Variants in MBOAT2 observed in about 807,000 individuals in gnomAD.
MBOAT2 encodes membrane bound glycerophospholipid O-acyltransferase 2.
In MBOAT2, 28 loss-of-function variants were observed where a neutral mutation model predicts 63.4. That is an observed-to-expected ratio of 0.44 (90% confidence interval 0.33 to 0.61). The LOEUF is 0.61. Ranked by LOEUF, MBOAT2 falls within the 20% of genes least tolerant of loss-of-function variation. MBOAT2 has a pLI of 0.03. For missense variants in MBOAT2, 470 were observed against 605.8 expected (o/e 0.78, Z 2.35); for synonymous variants, 211 against 215.6 (o/e 0.98, Z 0.19).
chr2:8,913,467 ACTC>A (rs1007281031), intron 3 of MBOAT2, among the ~76,000 whole-genome samples: 1 of 152,150 alleles, frequency 6.6e-6, no homozygotes, highest in African/African-American at 2.4e-5. Flanking sequence ...TCTACAACGA[ACTC>A]AATCAGTAAG....
chr2:8,985,371 C>A (rs964851065), intron 1 of MBOAT2, among the ~76,000 whole-genome samples: 1 of 152,136 alleles, frequency 6.6e-6, no homozygotes, highest in Non-Finnish European at 1.5e-5. Flanking sequence ...ACATGGAATT[C>A]TTTAAAGATA....
intron 1 of MBOAT2, among the ~76,000 whole-genome samples, chr2:8,986,207 CAAAAAAAA>C (rs749608343): frequency 2.7e-5 from 2 of 74,392 alleles, no homozygotes; most frequent in South Asian, 4.1e-4. Flanking sequence ...ACAAGGTCAC[CAAAAAAAA>C]AAAAAAAAAA....
chr2:8,894,023 A>G (rs1216667766), intron 4 of MBOAT2, among the ~76,000 whole-genome samples: 2 of 152,034 alleles, frequency 1.3e-5, no homozygotes, highest in African/African-American at 4.8e-5. Flanking sequence ...ACATAGGTAT[A>G]CATGTGCCAT....
At chr2:8,865,962 G>C (rs1171691568) in intron 9 of MBOAT2, among the ~76,000 whole-genome samples, 2 of 152,222 alleles carry the variant, frequency 1.3e-5, no homozygotes, top group Middle Eastern at 3.4e-3. Flanking sequence ...GCTTGAACCC[G>C]GGAGGCAGAG....
At chr2:8,973,592 G>C (rs1670609886) in intron 1 of MBOAT2, among the ~76,000 whole-genome samples, 1 of 141,702 alleles carries the variant, frequency 7.1e-6, no homozygotes, top group African/African-American at 2.6e-5. Flanking sequence ...ATATCACCAA[G>C]AGCTAATTTC....
chr2:8,913,142 A>T (rs1468369101), intron 3 of MBOAT2, among the ~76,000 whole-genome samples: 1 of 152,182 alleles, frequency 6.6e-6, no homozygotes, highest in Non-Finnish European at 1.5e-5. Flanking sequence ...CATGTAGGAG[A>T]ATGAAACTGC....
intron 1 of MBOAT2, among the ~76,000 whole-genome samples, chr2:8,973,552 T>TAAAAAAAAAA (rs540916253): frequency 7.7e-6 from 1 of 130,250 alleles, no homozygotes; most frequent in African/African-American, 2.7e-5. Flanking sequence ...TAACTCAAGC[T>TAAAAAAAAAA]AAAAAAAAAA....
intron 9 of MBOAT2, among the ~76,000 whole-genome samples, chr2:8,866,009 C>T (rs1288255077): frequency 6.6e-6 from 1 of 152,040 alleles, no homozygotes; most frequent in Non-Finnish European, 1.5e-5. Context: ...CGCACTCCAG[C>T]CTGGGCAACA....
chr2:8,931,125 T>C (rs542121623), intron 3 of MBOAT2, among the ~76,000 whole-genome samples: 1 of 152,360 alleles, frequency 6.6e-6, no homozygotes, highest in South Asian at 2.1e-4. Context: ...TCCACAATGG[T>C]TGACTAATTT....
Position 8,981,930 on chromosome 2 carries a change from G to C in MBOAT2, c.75+21610C>G, listed in dbSNP as rs115337814. ...AAAAAGACATATGAAACATTGGAAA[G>C]AGCACACAAAACTCAATGGTTAATG... On this transcript the variant is annotated intron_variant, in intron 1 of 12. Transcript: ENST00000305997. Among the ~76,000 whole-genome samples the C allele has an allele frequency of 2.2e-3, 338 of 152,270 alleles. 1 individual carries two copies. Among genetic ancestry groups the C allele is most frequent in the African/African-American group, 8.0e-3 (332 of 41,540 alleles).
rs914742650 is a variant in MBOAT2 at position 8,996,554 on chromosome 2, G to A, written c.75+6986C>T. Among the ~76,000 whole-genome samples the A allele has an allele frequency of 9.2e-5, 14 of 152,124 alleles. 1 individual carries two copies. Among genetic ancestry groups the A allele is most frequent in the South Asian group, 8.3e-4 (4 of 4,830 alleles). On this transcript the variant is annotated intron_variant, in intron 1 of 12. Transcript: ENST00000305997. Reference sequence around the variant, plus strand: ...GCGAGAGGCAGGGGCATGCTCTCCCGGCCGCAGCCCTCACTCAGGTTCGCT... The same window carrying A: ...GCGAGAGGCAGGGGCATGCTCTCCCAGCCGCAGCCCTCACTCAGGTTCGCT...
At chr2:8,900,390 T>A (rs1357564690) in intron 4 of MBOAT2, among the ~76,000 whole-genome samples, 1 of 152,192 alleles carries the variant, frequency 6.6e-6, no homozygotes, top group African/African-American at 2.4e-5. Flanking sequence ...TCTCTCCAAG[T>A]GAGCTCAAAG....
chr2:8,869,962 G>A (rs1370457172), intron 8 of MBOAT2, among the ~76,000 whole-genome samples: 3 of 152,092 alleles, frequency 2.0e-5, no homozygotes, highest in South Asian at 2.1e-4. Context: ...CAACAGCAAC[G>A]AAACAAGAAG....
At chr2:8,982,139 C>T (rs1671238665) in intron 1 of MBOAT2, among the ~76,000 whole-genome samples, 1 of 152,136 alleles carries the variant, frequency 6.6e-6, no homozygotes, top group Non-Finnish European at 1.5e-5. Flanking sequence ...GGTCTCAATA[C>T]AGTACCTGGC....
At position 9,003,550 on chromosome 2, in the gene MBOAT2, G is replaced by A; in HGVS notation, c.65C>T (p.Pro22Leu). Residue 22 changes from proline (P) to leucine (L), a missense_variant, in exon 1 of 13, where the codon CCC becomes CTC. This residue lies in a region of MBOAT2 where 376 missense variants were observed against 503.8 expected (regional missense o/e 0.75). Transcript: ENST00000305997. This position sits in a 1 kb window ranked among gnomAD's most constrained non-coding sequence, Gnocchi z 5.4. ...LQPLSNAVQL[P>L]IDQVNFVVCQ... ...GGCGCCTCGGGGTACCTGGTCGATG[G>A]GCAGCTGCACGGCGTTGCTGAGGGG... The A allele has an allele frequency of 8.2e-7, 1 of 1,223,810 alleles. No individual in the cohort carries two copies. Among genetic ancestry groups the A allele is most frequent in the South Asian group, 3.0e-5 (1 of 33,718 alleles). 75.8% of individuals were successfully genotyped at this position (1,223,810 alleles called of 1,614,324 possible). A position where few individuals can be genotyped will look rare whatever the true frequency, so the allele number is the denominator to read the frequency against.
intron 3 of MBOAT2, among the ~76,000 whole-genome samples, chr2:8,912,695 G>A (rs1321278409): frequency 2.6e-5 from 4 of 152,074 alleles, no homozygotes; most frequent in East Asian, 1.9e-4. Flanking sequence ...AATCATAGAC[G>A]ACACAAACAA....
intron 3 of MBOAT2, among the ~76,000 whole-genome samples, chr2:8,925,114 C>G (rs577182850): frequency 6.6e-6 from 1 of 152,092 alleles, no homozygotes; most frequent in South Asian, 2.1e-4. Context: ...CTAATAAAAC[C>G]AGGACTTTGA....
chr2:8,892,434 CCATT>C (rs147313164), intron 4 of MBOAT2, among the ~76,000 whole-genome samples: 1,880 of 152,216 alleles, frequency 0.012, 20 homozygotes, highest in Non-Finnish European at 0.02. Flanking sequence ...TCTTAGTCAT[CCATT>C]CATTCATTTA....
chr2:8,893,504 T>C (rs1026957978), intron 4 of MBOAT2, among the ~76,000 whole-genome samples: 5 of 152,214 alleles, frequency 3.3e-5, no homozygotes, highest in Non-Finnish European at 5.9e-5. Context: ...TTAAATTCAA[T>C]AGTATCTGAG....
Sources: gnomAD v4.1 joint callset for allele counts (sites outside exome capture counted in the v4.1 genomes callset) on GRCh38, gnomAD v4.1.1 for gene constraint, gnomAD v4.1.1 regional missense constraint, Gnocchi (gnomAD v3.1) non-coding constraint, MANE v1.5 for transcripts, NCBI Gene and HGNC (gene_info 2026-07-23, HGNC 2026-07-21) for gene names.